The following AGPAT3 variants were observed in gnomAD, a reference collection of about 807,000 sequenced individuals.
AGPAT3 encodes 1-acylglycerol-3-phosphate O-acyltransferase 3.
In AGPAT3, 5 loss-of-function variants were observed where a neutral mutation model predicts 47.3. That is an observed-to-expected ratio of 0.11 (90% confidence interval 0.06 to 0.22). The LOEUF is 0.22. AGPAT3 is among the 10% of genes least tolerant of loss of function. The probability of loss-of-function intolerance (pLI) is 1.00; values close to 1 mark genes in which losing one functional copy is unlikely to be tolerated. For missense variants in AGPAT3, 315 were observed against 493.0 expected, an observed-to-expected ratio of 0.64 and a Z score of 3.42; for synonymous variants, 212 against 208.3, an observed-to-expected ratio of 1.02 and a Z score of -0.15.
At chr21:43,877,066 C>T (rs556075003) in intron 1 of AGPAT3, among the ~76,000 whole-genome samples, 3 of 152,168 alleles carry the variant, frequency 2.0e-5, no homozygotes, top group Non-Finnish European at 4.4e-5. Flanking sequence ...ACCATGTTAC[C>T]CAGGGTGGTC....
At chr21:43,877,354 G>T (rs779218181) in intron 1 of AGPAT3, among the ~76,000 whole-genome samples, 3 of 152,198 alleles carry the variant, frequency 2.0e-5, no homozygotes, top group Non-Finnish European at 4.4e-5. Flanking sequence ...CATATACATG[G>T]CATATGCCAG....
At chr21:43,870,760 A>G (rs2085607469) in intron 1 of AGPAT3, among the ~76,000 whole-genome samples, 1 of 152,224 alleles carries the variant, frequency 6.6e-6, no homozygotes, top group Non-Finnish European at 1.5e-5. Context: ...TGAATTATTC[A>G]GTATATAATG....
rs2087343478 is a variant in AGPAT3 at position 43,933,897 on chromosome 21, G to A, written c.-48-25737G>A. On this transcript the variant is annotated intron_variant, in intron 2 of 9. Transcript: ENST00000291572. This position sits in a 1 kb window ranked among gnomAD's most constrained non-coding sequence, Gnocchi z 6.0. ...AACGCCAGAGGGTTAGAACTGAGCAGCAGGACGGGGTCTGTGGGTGCACGA... is the reference window on the plus strand; with the variant it reads ...AACGCCAGAGGGTTAGAACTGAGCAACAGGACGGGGTCTGTGGGTGCACGA... Among the ~76,000 whole-genome samples, 1 of 152,222 alleles carries A rather than the reference G, an allele frequency of 6.6e-6. No individual in the cohort carries two copies. The highest frequency in any genetic ancestry group is 2.1e-4 in the South Asian group (1 of 4,836).
intron 7 of AGPAT3, among the ~76,000 whole-genome samples, chr21:43,975,889 G>A (rs1288791070): frequency 6.6e-6 from 1 of 152,130 alleles, no homozygotes; most frequent in East Asian, 1.9e-4. Context: ...TTCTCTGACG[G>A]CCGTCGCAGG....
chr21:43,957,580 C>G (rs1002836969), intron 2 of AGPAT3, among the ~76,000 whole-genome samples: 2 of 147,322 alleles, frequency 1.4e-5, no homozygotes, highest in Non-Finnish European at 3.0e-5. Context: ...GGGTTTCCCC[C>G]TCCACACGGG....
chr21:43,975,895 G>A (rs1220432233), intron 7 of AGPAT3, among the ~76,000 whole-genome samples: 2 of 151,986 alleles, frequency 1.3e-5, no homozygotes, highest in Non-Finnish European at 2.9e-5. Flanking sequence ...GACGGCCGTC[G>A]CAGGGAAGAG....
chr21:43,912,621 C>G (rs2086652095), intron 2 of AGPAT3, among the ~76,000 whole-genome samples: 2 of 152,210 alleles, frequency 1.3e-5, no homozygotes, highest in South Asian at 4.2e-4. Context: ...GGTGCGTGGC[C>G]ATGGACTTCA....
In AGPAT3 at chr21:43,956,188, G is replaced by A. The variant is rs1220601951; in HGVS notation, c.-48-3446G>A. Among the ~76,000 whole-genome samples, 8 of 152,192 alleles carry A rather than the reference G, an allele frequency of 5.3e-5. 1 individual carries two copies. The highest frequency in any genetic ancestry group is 1.2e-4 in the Non-Finnish European group (8 of 68,038). On this transcript the variant is annotated intron_variant, in intron 2 of 9. Coordinates refer to ENST00000291572, the MANE Select transcript of AGPAT3 (RefSeq NM_020132.5). ...AACTCAGGATCTGGTCGAATATATC[G>A]TCTCTAGCTCAAGAAAGGCGTTCTG...
At chr21:43,905,772 G>A (rs368285010) in intron 2 of AGPAT3, among the ~76,000 whole-genome samples, 4 of 152,214 alleles carry the variant, frequency 2.6e-5, no homozygotes, top group Non-Finnish European at 5.9e-5. Context: ...CTGCATTCCC[G>A]CTCTTCTGCC....
rs1402099505 is a variant in AGPAT3, at chr21:43,939,028, C to T, written c.-48-20606C>T. 6.6e-6 allele frequency among the ~76,000 whole-genome samples: 1 copy of T among 152,206 alleles called. No individual in the cohort carries two copies. The highest frequency in any genetic ancestry group is 1.5e-5 in the Non-Finnish European group (1 of 68,026). ...TGAGCGGTTCCCACCTCTCAGTCCA[C>T]AGTTTCCCACAGAGCACGCAGGGGC... is the stretch of plus-strand genomic sequence containing the variant. On this transcript the variant is annotated intron_variant, in intron 2 of 9. Transcript: ENST00000291572. The surrounding 1 kb of genome is among the most constrained non-coding windows in gnomAD (Gnocchi z 4.4).
At chr21:43,943,179 A>G (rs1219175072) in intron 2 of AGPAT3, among the ~76,000 whole-genome samples, 1 of 152,112 alleles carries the variant, frequency 6.6e-6, no homozygotes, top group Non-Finnish European at 1.5e-5. Flanking sequence ...GGTTCACACC[A>G]TTCTCCTGCC....
Position 43,957,594 on chromosome 21 carries a change from T to C in AGPAT3, c.-48-2040T>C, listed in dbSNP as rs541753395. ...CGGGTTTCCCCCTCCACACGGGGTT[T>C]CCCCCTCCACGCGGGGGTCTCGGGT... On this transcript the variant is annotated intron_variant, in intron 2 of 9. Transcript: ENST00000291572. Among the ~76,000 whole-genome samples the C allele has an allele frequency of 9.1e-5, 12 of 132,222 alleles. No homozygotes were observed. The South Asian group carries it at 1.6e-3, about 17-fold the overall frequency. The allele number at this position is 132,222 out of a possible 152,430, so 86.7% of individuals were successfully genotyped here.
At position 43,908,032 on chromosome 21, in the gene AGPAT3, G is replaced by A. The variant is rs1269186808; in HGVS notation, c.-49+4013G>A. 6.6e-6 allele frequency among the ~76,000 whole-genome samples: 1 copy of A among 152,202 alleles called. No homozygotes were observed. The highest frequency in any genetic ancestry group is 1.5e-5 in the Non-Finnish European group (1 of 68,034). ...GCAGAGCAAAGGGATGATGGTCTTC[G>A]GAGGAGGGCGCTGGCTCAGGCACCC... On this transcript the variant is annotated intron_variant, in intron 2 of 9. Coordinates refer to ENST00000291572, the MANE Select transcript of AGPAT3 (RefSeq NM_020132.5). The surrounding 1 kb of genome is among the most constrained non-coding windows in gnomAD (Gnocchi z 4.9).
Position 43,890,774 on chromosome 21 carries a change from G to A in AGPAT3, c.-111-13183G>A, listed in dbSNP as rs545510043. On this transcript the variant is annotated intron_variant, in intron 1 of 9. Transcript: ENST00000291572. The stretch of plus-strand genomic sequence containing the variant: ...ATTTTTTGAGACAGAGTCTTACTCT[G>A]TTGCCCAGGCTGGAGTGCAGTGGCA... 3.0e-4 allele frequency among the ~76,000 whole-genome samples: 42 copies of A among 140,196 alleles called. No homozygotes were observed. In the East Asian group the frequency reaches 7.4e-3, roughly 25 times the overall value. 92.0% of individuals were successfully genotyped at this position (140,196 alleles called of 152,430 possible).
At chr21:43,942,056 G>A (rs1452060408) in intron 2 of AGPAT3, among the ~76,000 whole-genome samples, 3 of 152,232 alleles carry the variant, frequency 2.0e-5, no homozygotes, top group African/African-American at 4.8e-5. Context: ...TTTGCCCTCA[G>A]GTCTTCAGTA....
intron 1 of AGPAT3, among the ~76,000 whole-genome samples, chr21:43,897,507 C>T (rs544269962): frequency 2.0e-5 from 3 of 152,160 alleles, no homozygotes; most frequent in Non-Finnish European, 4.4e-5. Context: ...GAAGGGTTCC[C>T]AGACAGGGCG....
chr21:43,872,851 G>A (rs1477599961), intron 1 of AGPAT3, among the ~76,000 whole-genome samples: 2 of 152,350 alleles, frequency 1.3e-5, no homozygotes, highest in Non-Finnish European at 2.9e-5. Flanking sequence ...GTCCCACTCT[G>A]CCTCCTTGAA....
At chr21:43,907,953 A>G (rs1246749327) in intron 2 of AGPAT3, among the ~76,000 whole-genome samples, 1 of 152,186 alleles carries the variant, frequency 6.6e-6, no homozygotes, top group Non-Finnish European at 1.5e-5. Flanking sequence ...CGTGTGCTGG[A>G]GACCCCACGG....
intron 2 of AGPAT3, among the ~76,000 whole-genome samples, chr21:43,943,021 A>G (rs2087718188): frequency 6.6e-6 from 1 of 152,178 alleles, no homozygotes; most frequent in South Asian, 2.1e-4. Context: ...CCCGCTCCCC[A>G]GGGCTGGGTG....
Sources: gnomAD v4.1 joint callset for allele counts (sites outside exome capture counted in the v4.1 genomes callset) on GRCh38, gnomAD v4.1.1 for gene constraint, Gnocchi (gnomAD v3.1) non-coding constraint, MANE v1.5 for transcripts, NCBI Gene and HGNC (gene_info 2026-07-23, HGNC 2026-07-21) for gene names.